Variants in FILIP1L observed in about 807,000 individuals in gnomAD.
FILIP1L encodes the protein filamin A interacting protein 1 like, also known as filamin A-interacting protein 1-like.
FILIP1L carries 55 observed loss-of-function variants against 96.6 expected under a neutral mutation model. The ratio of observed to expected loss-of-function variants is 0.57; its 90% CI spans 0.46 to 0.71. FILIP1L has a LOEUF of 0.71. FILIP1L is among the 30% of genes least tolerant of loss of function. The probability of loss-of-function intolerance (pLI) is 0.00; values close to 1 mark genes in which losing one functional copy is unlikely to be tolerated. For missense variants in FILIP1L, 1,304 were observed against 1,321.2 expected (o/e 0.99, Z 0.20); for synonymous variants, 467 against 473.9 (o/e 0.99, Z 0.19).
At position 100,057,202 on chromosome 3, in the gene FILIP1L, G is replaced by T. The variant is rs1033705185; in HGVS notation, c.-11+56851C>A. ...CACGTGGCTTCTCTGCCCCTCCAGT[G>T]GACTAGGTGACTAAAGACCCGTCCC... is the stretch of plus-strand genomic sequence containing the variant. On this transcript the variant is annotated intron_variant, in intron 1 of 5. Transcript: ENST00000477258. Among the ~76,000 whole-genome samples, 16 of 152,084 alleles carry T rather than the reference G, an allele frequency of 1.1e-4. 1 individual carries two copies. The highest frequency in any genetic ancestry group is 9.8e-4 in the Admixed American group (15 of 15,272).
intron 4 of FILIP1L, among the ~76,000 whole-genome samples, chr3:99,896,228 C>T (rs1038741638): frequency 6.6e-6 from 1 of 152,056 alleles, no homozygotes; most frequent in Admixed American, 6.5e-5. Context: ...CCTTTCCTGG[C>T]AAATAAGTGG....
At chr3:99,916,999 T>G (rs562057170) in intron 4 of FILIP1L, among the ~76,000 whole-genome samples, 1 of 152,340 alleles carries the variant, frequency 6.6e-6, no homozygotes, top group Admixed American at 6.5e-5. Flanking sequence ...ATTTCTATTT[T>G]GATATGGTTT....
chr3:99,947,137 C>CAAAAAAAA (rs397829321), intron 1 of FILIP1L, among the ~76,000 whole-genome samples: 1 of 88,800 alleles, frequency 1.1e-5, no homozygotes, highest in Non-Finnish European at 2.1e-5. Context: ...GACTCTGTCT[C>CAAAAAAAA]AAAAAAAAAA....
chr3:100,071,846 C>T (rs766949542), intron 1 of FILIP1L, among the ~76,000 whole-genome samples: 4 of 152,176 alleles, frequency 2.6e-5, no homozygotes, highest in Non-Finnish European at 5.9e-5. Flanking sequence ...GGGCACCCAA[C>T]TTCATTATTT....
At chr3:99,948,356 T>A (rs905472565) in intron 1 of FILIP1L, among the ~76,000 whole-genome samples, 9 of 151,812 alleles carry the variant, frequency 5.9e-5, no homozygotes, top group East Asian at 1.9e-4. Context: ...AAAAATTTTT[T>A]AAAAATTAAG....
chr3:100,061,515 T>C (rs2065565798), intron 1 of FILIP1L, among the ~76,000 whole-genome samples: 1 of 152,216 alleles, frequency 6.6e-6, no homozygotes. Context: ...TATTAATACC[T>C]CCTGCAGAGA....
chr3:100,058,266 C>G (rs980160156), intron 1 of FILIP1L, among the ~76,000 whole-genome samples: 3 of 152,298 alleles, frequency 2.0e-5, no homozygotes, highest in Middle Eastern at 3.4e-3. Flanking sequence ...GTTCTATGTT[C>G]AAGGCACGGA....
intron 1 of FILIP1L, among the ~76,000 whole-genome samples, chr3:100,003,687 C>CATCTTCATACTTGATCTATG (rs1709907492): frequency 6.6e-6 from 1 of 152,048 alleles, no homozygotes; most frequent in Non-Finnish European, 1.5e-5. Context: ...TTCTTAAGGT[C>CATCTTCATACTTGATCTATG]ATCTTCATAC....
At chr3:99,897,801 T>C (rs1409392052) in intron 4 of FILIP1L, among the ~76,000 whole-genome samples, 2 of 152,232 alleles carry the variant, frequency 1.3e-5, no homozygotes, top group African/African-American at 2.4e-5. Context: ...AGAGGGATTC[T>C]GTAAGAGAAC....
intron 4 of FILIP1L, among the ~76,000 whole-genome samples, chr3:99,887,055 T>C (rs528067813): frequency 6.6e-6 from 1 of 151,474 alleles, no homozygotes; most frequent in Admixed American, 6.6e-5. Context: ...GTGGATCACC[T>C]GAGATTGGGA....
At chr3:99,923,608 C>T (rs188766095) in intron 4 of FILIP1L, among the ~76,000 whole-genome samples, 14 of 152,324 alleles carry the variant, frequency 9.2e-5, no homozygotes, top group Admixed American at 8.5e-4. Context: ...AACACATCCC[C>T]TCATCTTTCT....
intron 1 of FILIP1L, among the ~76,000 whole-genome samples, chr3:100,070,916 T>G (rs1255569750): frequency 1.3e-5 from 2 of 152,156 alleles, no homozygotes; most frequent in Non-Finnish European, 2.9e-5. Context: ...TAGGCATGAG[T>G]CACCGCGCCT....
chr3:99,906,250 G>A (rs566363686), intron 4 of FILIP1L, among the ~76,000 whole-genome samples: 4 of 152,096 alleles, frequency 2.6e-5, no homozygotes, highest in Non-Finnish European at 4.4e-5. Context: ...GTACTCCCTC[G>A]TTGTAAATTT....
chr3:99,877,694 T>C (rs1040947922), intron 4 of FILIP1L, among the ~76,000 whole-genome samples: 10 of 152,220 alleles, frequency 6.6e-5, no homozygotes, highest in Admixed American at 5.2e-4. Flanking sequence ...GTGAATTGCA[T>C]TGTAATCTTT....
intron 1 of FILIP1L, among the ~76,000 whole-genome samples, chr3:100,054,932 A>G (rs1441889146): frequency 6.6e-6 from 1 of 152,172 alleles, no homozygotes; most frequent in Non-Finnish European, 1.5e-5. Context: ...ATTAATCACA[A>G]CATAGTTCCT....
At chr3:100,105,496 A>C (rs2066379675) in intron 1 of FILIP1L, among the ~76,000 whole-genome samples, 1 of 152,178 alleles carries the variant, frequency 6.6e-6, no homozygotes, top group Non-Finnish European at 1.5e-5. Flanking sequence ...GGCAAAAGGG[A>C]CTTCCAGGAA....
At chr3:99,911,439 A>C (rs2107639293) in intron 4 of FILIP1L, among the ~76,000 whole-genome samples, 1 of 152,054 alleles carries the variant, frequency 6.6e-6, no homozygotes, top group South Asian at 2.1e-4. Context: ...AGGTTCTCTA[A>C]CAACTTGCCA....
chr3:99,946,164 T>C (rs1708001447), intron 1 of FILIP1L, among the ~76,000 whole-genome samples: 1 of 152,226 alleles, frequency 6.6e-6, no homozygotes, highest in Non-Finnish European at 1.5e-5. Flanking sequence ...GGCCCTGCAA[T>C]CCATATAGCA....
Position 99,851,043 on chromosome 3 carries a change from G to T in FILIP1L, c.633C>A (p.Ile211=), listed in dbSNP as rs1175009377. Residue 211 remains isoleucine (I), a synonymous_variant, in exon 5 of 6, where the codon ATC becomes ATA. Coordinates refer to ENST00000477258, the MANE Select transcript of FILIP1L (RefSeq NM_001387850.1). ...CTTGCTCCTTCTCCTCCTGAGACTT[G>T]ATTTCTTGATCAATTAGCTTCTTTA... ...ERLKKLIDQE[I]KSQEEKEQEK... 6.3e-7 allele frequency: 1 copy of T among 1,594,484 alleles called. No homozygotes were observed.
Sources: gnomAD v4.1 joint callset for allele counts (sites outside exome capture counted in the v4.1 genomes callset) on GRCh38, gnomAD v4.1.1 for gene constraint, MANE v1.5 for transcripts, NCBI Gene and HGNC (gene_info 2026-07-23, HGNC 2026-07-21) for gene names.